The following HVCN1 variants were observed in gnomAD, a reference collection of about 807,000 sequenced individuals.
HVCN1 encodes the protein hydrogen voltage gated channel 1.
Under a neutral mutation model 29.2 loss-of-function variants are expected in HVCN1, and 14 were observed. The ratio of observed to expected loss-of-function variants is 0.48; its 90% confidence interval spans 0.32 to 0.75. The LOEUF (loss-of-function observed/expected upper bound fraction) is 0.75. Among genes scored for constraint, HVCN1 ranks in the 30% least tolerant of loss-of-function variants. The pLI, the probability that HVCN1 is intolerant of heterozygous loss-of-function variation, is 0.04. For synonymous variants in HVCN1, 131 were observed against 133.2 expected, an observed-to-expected ratio of 0.98 and a Z score of 0.11; for missense variants, 263 against 341.8, an observed-to-expected ratio of 0.77 and a Z score of 1.82.
At chr12:110,694,347 C>A (rs1236056539), upstream of HVCN1, among the ~76,000 whole-genome samples, 1 of 152,236 alleles carries the variant, frequency 6.6e-6, no homozygotes, top group East Asian at 1.9e-4. The surrounding 1 kb of genome is among the most constrained non-coding windows in gnomAD (Gnocchi z 4.6). Flanking sequence ...TAGGCATGAG[C>A]CACCGCGCCT....
chr12:110,681,608 C>G (rs573712139), intron 3 of HVCN1, among the ~76,000 whole-genome samples: 45 of 152,298 alleles, frequency 3.0e-4, no homozygotes, highest in African/African-American at 1.1e-3. Context: ...GCTCCTGGGG[C>G]TCCTAACTCT....
chr12:110,699,110 AGAGT>A (rs2069534995), intron 2 of HVCN1, among the ~76,000 whole-genome samples: 1 of 152,264 alleles, frequency 6.6e-6, no homozygotes, highest in African/African-American at 2.4e-5. Context: ...CCTGAGCAAC[AGAGT>A]GAGACTCCAT....
At chr12:110,692,964 C>T (rs563690715), upstream of HVCN1, among the ~76,000 whole-genome samples, 87 of 152,256 alleles carry the variant, frequency 5.7e-4, no homozygotes, top group Non-Finnish European at 1.1e-3. Context: ...CTCCCAGGCT[C>T]AAGTGATACC....
intron 3 of HVCN1, among the ~76,000 whole-genome samples, chr12:110,674,984 A>G (rs2068699555): frequency 6.6e-6 from 1 of 152,244 alleles, no homozygotes; most frequent in South Asian, 2.1e-4. Flanking sequence ...AATGAGATTA[A>G]TAGACTAGAA....
Position 110,672,378 on chromosome 12 carries a change from G to A in HVCN1, c.21+10847C>T, listed in dbSNP as rs146193543. ...AGTCCTGCTTCAAGAGCCCTAAACC[G>A]GAAACCACCTCAAAGTCTGTTGCCC... On this transcript the variant is annotated intron_variant, in intron 3 of 7. Transcript: ENST00000242607. 5.9e-3 allele frequency among the ~76,000 whole-genome samples: 905 copies of A among 152,166 alleles called. 6 individuals carry two copies. Among genetic ancestry groups the A allele is most frequent in the Non-Finnish European group, 6.4e-3 (432 of 68,012 alleles).
At chr12:110,674,299 C>G (rs2068678377) in intron 3 of HVCN1, among the ~76,000 whole-genome samples, 1 of 152,210 alleles carries the variant, frequency 6.6e-6, no homozygotes, top group African/African-American at 2.4e-5. Flanking sequence ...TGTAACCCCC[C>G]TGCATGTAGG....
At chr12:110,694,241 T>C (rs2069455734), upstream of HVCN1, among the ~76,000 whole-genome samples, 1 of 152,180 alleles carries the variant, frequency 6.6e-6, no homozygotes, top group Admixed American at 6.5e-5. The surrounding 1 kb of genome is among the most constrained non-coding windows in gnomAD (Gnocchi z 4.6). Context: ...TTTTATTTTT[T>C]TGTGGAGACA....
rs757180992 is a variant in HVCN1 at position 110,661,454 on chromosome 12, A to T, written c.22-6T>A. 1 of 1,612,782 alleles carries T rather than the reference A, an allele frequency of 6.2e-7. No homozygotes were observed. Among genetic ancestry groups the T allele is most frequent in the Non-Finnish European group, 8.5e-7 (1 of 1,178,968 alleles). On this transcript the variant is annotated splice_region_variant and splice_polypyrimidine_tract_variant and intron_variant, in intron 3 of 7. Coordinates refer to ENST00000242607, the MANE Select transcript of HVCN1 (RefSeq NM_032369.4). The surrounding 1 kb of genome is among the most constrained non-coding windows in gnomAD (Gnocchi z 6.2). ...TTGGCCCTGCGGGTGACTGCCTAGAAGGCGGGGACAGAGAGCAAGAGCTTC... is the reference window on the plus strand; with the variant it reads ...TTGGCCCTGCGGGTGACTGCCTAGATGGCGGGGACAGAGAGCAAGAGCTTC...
chr12:110,668,758 C>T (rs1445602252), intron 3 of HVCN1, among the ~76,000 whole-genome samples: 1 of 152,182 alleles, frequency 6.6e-6, no homozygotes, highest in African/African-American at 2.4e-5. Flanking sequence ...CCTTGCTGTC[C>T]CCACTGTACC....
chr12:110,704,482 T>C (rs2069588651), intron 1 of HVCN1, among the ~76,000 whole-genome samples: 1 of 151,440 alleles, frequency 6.6e-6, no homozygotes, highest in Admixed American at 6.6e-5. Context: ...AGACCCTGTC[T>C]CTACCAATAA....
Position 110,648,898 on chromosome 12 carries a change from G to T in HVCN1, c.*512C>A. The T allele has an allele frequency of 2.5e-6, 1 of 399,780 alleles. No homozygotes were observed. The highest frequency in any genetic ancestry group is 4.8e-6 in the Non-Finnish European group (1 of 208,798). 24.8% of individuals were successfully genotyped at this position (399,780 alleles called of 1,614,324 possible). ...AAAACAATGGAGCCACCTAGAAGCTGGCTGATGCAGCTGGGGCACACAGAG... is the reference window on the plus strand; with the variant it reads ...AAAACAATGGAGCCACCTAGAAGCTTGCTGATGCAGCTGGGGCACACAGAG... On this transcript the variant is annotated 3_prime_UTR_variant, in exon 8 of 8. Coordinates refer to ENST00000242607, the MANE Select transcript of HVCN1 (RefSeq NM_032369.4).
At chr12:110,698,755 C>T (rs984299313) in intron 2 of HVCN1, among the ~76,000 whole-genome samples, 10 of 152,322 alleles carry the variant, frequency 6.6e-5, no homozygotes, top group Middle Eastern at 3.4e-3. Flanking sequence ...GGGCAGCCCC[C>T]GCTTCCCTCC....
chr12:110,674,221 A>T (rs2068674571), intron 3 of HVCN1, among the ~76,000 whole-genome samples: 1 of 152,246 alleles, frequency 6.6e-6, no homozygotes, highest in African/African-American at 2.4e-5. Context: ...TCAGACTTGC[A>T]GGGACCCTGT....
At chr12:110,655,917 C>A (rs1382439815) in intron 4 of HVCN1, among the ~76,000 whole-genome samples, 3 of 152,146 alleles carry the variant, frequency 2.0e-5, no homozygotes, top group Non-Finnish European at 4.4e-5. Context: ...GTTAGCCAGG[C>A]TGGTCTCGAG....
chr12:110,678,091 G>A (rs780553124), intron 3 of HVCN1, among the ~76,000 whole-genome samples: 5 of 152,180 alleles, frequency 3.3e-5, no homozygotes, highest in South Asian at 2.1e-4. Flanking sequence ...CCCATGAGGC[G>A]GGGACTGCAA....
At position 110,648,862 on chromosome 12, in the gene HVCN1, T is replaced by G. The variant is rs2067618633; in HGVS notation, c.*548A>C. The G allele has an allele frequency of 2.7e-6, 1 of 376,688 alleles. No homozygotes were observed. Among genetic ancestry groups the G allele is most frequent in the African/African-American group, 2.1e-5 (1 of 46,640 alleles). The allele number at this position is 376,688 out of a possible 1,614,324, so 23.3% of individuals were successfully genotyped here. A position where few individuals can be genotyped will look rare whatever the true frequency, so the allele number is the denominator to read the frequency against. ...GTACAGTAATTGAGGAAAAATGTTG[T>G]CAGGTGGCAGAAAACAATGGAGCCA... is the stretch of plus-strand genomic sequence containing the variant. On this transcript the variant is annotated 3_prime_UTR_variant, in exon 8 of 8. Coordinates refer to ENST00000242607, the MANE Select transcript of HVCN1 (RefSeq NM_032369.4).
At chr12:110,675,161 T>TA (rs2068705443) in intron 3 of HVCN1, among the ~76,000 whole-genome samples, 2 of 152,218 alleles carry the variant, frequency 1.3e-5, no homozygotes, top group African/African-American at 4.8e-5. Flanking sequence ...GTAGCGTTGT[T>TA]AAAAAACAAA....
chr12:110,688,175 C>G (rs952497966), intron 2 of HVCN1: 2 of 152,290 alleles, frequency 1.3e-5, no homozygotes, highest in African/African-American at 4.8e-5. Flanking sequence ...GCCTGTACAC[C>G]AAGCATCTTA....
chr12:110,666,422 A>AAAAAGAAAAGAAAAG (rs59983139), intron 3 of HVCN1, among the ~76,000 whole-genome samples: 11 of 151,754 alleles, frequency 7.2e-5, no homozygotes, highest in African/African-American at 2.7e-4. Context: ...GACTCCGCCT[A>AAAAAGAAAAGAAAAG]AAAAGAAAAG....
Sources: allele counts gnomAD v4.1 joint callset (sites outside exome capture counted in the v4.1 genomes callset), GRCh38; gene constraint gnomAD v4.1.1; non-coding constraint Gnocchi (gnomAD v3.1); transcripts MANE v1.5; gene names NCBI Gene and HGNC (gene_info 2026-07-23, HGNC 2026-07-21).